The following TMEM108 variants were observed in gnomAD, a reference collection of about 807,000 sequenced individuals.
TMEM108 encodes transmembrane protein 108, also known as cancer/testis antigen 124.
In TMEM108, 12 loss-of-function variants were observed where a neutral mutation model predicts 35.1. That is an observed-to-expected ratio of 0.34 (90% CI 0.22 to 0.55). The LOEUF (loss-of-function observed/expected upper bound fraction) is 0.55, where lower values mean the gene tolerates loss of function less well. Ranked by LOEUF, TMEM108 falls within the 20% of genes least tolerant of loss-of-function variation. The pLI is 0.89. For synonymous variants in TMEM108, 287 were observed against 308.6 expected (o/e 0.93, Z 0.73); for missense variants, 680 against 753.3 (o/e 0.90, Z 1.14).
At chr3:133,171,028 A>G (rs1945122881) in intron 2 of TMEM108, among the ~76,000 whole-genome samples, 1 of 152,052 alleles carries the variant, frequency 6.6e-6, no homozygotes, top group Non-Finnish European at 1.5e-5. Flanking sequence ...ATGAGTAGAT[A>G]TTTTTTCATT....
intron 2 of TMEM108, among the ~76,000 whole-genome samples, chr3:133,086,125 G>C (rs779112743): frequency 2.0e-5 from 3 of 152,152 alleles, no homozygotes; most frequent in Non-Finnish European, 2.9e-5. Flanking sequence ...TGGTGAAAGG[G>C]ATGGCATCCC....
chr3:133,199,385 T>C (rs1945626726), intron 2 of TMEM108, among the ~76,000 whole-genome samples: 1 of 152,204 alleles, frequency 6.6e-6, no homozygotes, highest in Non-Finnish European at 1.5e-5. Context: ...ATTTTCAGCT[T>C]TTCTACTCTG....
chr3:133,367,657 A>G (rs1018955374), intron 3 of TMEM108, among the ~76,000 whole-genome samples: 4 of 152,220 alleles, frequency 2.6e-5, no homozygotes, highest in African/African-American at 7.2e-5. Context: ...GAGAATACCA[A>G]GCAGCTTTGC....
chr3:133,240,756 C>T (rs2107660344), intron 3 of TMEM108, among the ~76,000 whole-genome samples: 1 of 152,232 alleles, frequency 6.6e-6, no homozygotes, highest in Admixed American at 6.5e-5. Flanking sequence ...GCACAGGTGA[C>T]CAGTATATTG....
At chr3:133,104,657 G>T (rs1431044241) in intron 2 of TMEM108, among the ~76,000 whole-genome samples, 1 of 152,050 alleles carries the variant, frequency 6.6e-6, no homozygotes, top group Non-Finnish European at 1.5e-5. Context: ...CTGCCTCCTG[G>T]GATCCATCAG....
chr3:133,125,521 A>G (rs1253215086), intron 2 of TMEM108, among the ~76,000 whole-genome samples: 2 of 152,178 alleles, frequency 1.3e-5, no homozygotes, highest in Non-Finnish European at 2.9e-5. Context: ...TTATCTCAGC[A>G]TGGATGCTGT....
intron 2 of TMEM108, among the ~76,000 whole-genome samples, chr3:133,171,668 CT>C (rs1339667182): frequency 4.6e-5 from 7 of 152,152 alleles, no homozygotes; most frequent in African/African-American, 1.7e-4. Flanking sequence ...TTACTCGCAT[CT>C]TTTATTAGAG....
chr3:133,394,758 G>A (rs903424832), intron 5 of TMEM108, among the ~76,000 whole-genome samples: 1 of 152,196 alleles, frequency 6.6e-6, no homozygotes, highest in Non-Finnish European at 1.5e-5. Context: ...GGAAATTCTT[G>A]TCTTCTGAAA....
At chr3:133,186,413 C>G (rs1945422012) in intron 2 of TMEM108, among the ~76,000 whole-genome samples, 1 of 152,198 alleles carries the variant, frequency 6.6e-6, no homozygotes, top group South Asian at 2.1e-4. Flanking sequence ...TTATTCCTTA[C>G]TGTCCTATCT....
Position 133,115,919 on chromosome 3 carries a change from T to C in TMEM108, c.-47+69899T>C, listed in dbSNP as rs149792453. Among the ~76,000 whole-genome samples the C allele has an allele frequency of 4.3e-3, 662 of 152,334 alleles. 3 individuals carry two copies. Among genetic ancestry groups the C allele is most frequent in the African/African-American group, 0.015 (622 of 41,576 alleles). On this transcript the variant is annotated intron_variant, in intron 2 of 5. Coordinates refer to ENST00000321871, the MANE Select transcript of TMEM108 (RefSeq NM_023943.4). ...CCATCTGTTCTCATGTGTGAGTTTT[T>C]CTTGTTGCCTGTCTTATTCAACTGA...
At chr3:133,096,205 C>T (rs1217020749) in intron 2 of TMEM108, among the ~76,000 whole-genome samples, 1 of 152,176 alleles carries the variant, frequency 6.6e-6, no homozygotes, top group Non-Finnish European at 1.5e-5. Context: ...GTCACTCAGG[C>T]TGGAGTGCAG....
intron 2 of TMEM108, among the ~76,000 whole-genome samples, chr3:133,080,818 AT>A (rs1468070846): frequency 6.6e-6 from 1 of 151,968 alleles, no homozygotes; most frequent in African/African-American, 2.4e-5. Context: ...TATTTTCTCC[AT>A]TTTTTTTAAA....
At chr3:133,331,850 C>A (rs1421400268) in intron 3 of TMEM108, among the ~76,000 whole-genome samples, 1 of 152,154 alleles carries the variant, frequency 6.6e-6, no homozygotes, top group Non-Finnish European at 1.5e-5. Context: ...CAGCTTATGT[C>A]AAAAATATGT....
At chr3:133,386,326 TGCTCAAACA>T in intron 4 of TMEM108, 2 of 1,408,794 alleles carry the variant, frequency 1.4e-6, no homozygotes, top group South Asian at 2.5e-5. Context: ...TTGCAATGCC[TGCTCAAACA>T]GGCCCGGGAA....
intron 2 of TMEM108, among the ~76,000 whole-genome samples, chr3:133,124,612 CCT>C (rs1290534253): frequency 6.6e-6 from 1 of 152,110 alleles, no homozygotes; most frequent in Non-Finnish European, 1.5e-5. Context: ...CCAGCCAGCC[CCT>C]GAGTGTGTTT....
intron 3 of TMEM108, among the ~76,000 whole-genome samples, chr3:133,341,255 T>C (rs1227731605): frequency 7.2e-5 from 11 of 151,854 alleles, no homozygotes; most frequent in Admixed American, 7.2e-4. Flanking sequence ...CATTTCTGTA[T>C]GCCAGCAGTG....
intron 4 of TMEM108, chr3:133,389,220 A>G (rs2107857851): frequency 1.0e-6 from 1 of 985,588 alleles, no homozygotes; most frequent in Non-Finnish European, 1.2e-6. Context: ...CACATGGTTA[A>G]TCAACAATAT....
At chr3:133,394,518 ACTCT>A (rs549935415) in intron 5 of TMEM108, among the ~76,000 whole-genome samples, 52 of 151,120 alleles carry the variant, frequency 3.4e-4, no homozygotes, top group African/African-American at 1.1e-3. Flanking sequence ...TTCCTGAATA[ACTCT>A]CTCTTTAATG....
chr3:133,375,744 G>A (rs927848644), intron 3 of TMEM108, among the ~76,000 whole-genome samples: 1 of 152,212 alleles, frequency 6.6e-6, no homozygotes, highest in Non-Finnish European at 1.5e-5. Context: ...CAACATTGTA[G>A]GGATTTTTAT....
Sources: allele counts gnomAD v4.1 joint callset (sites outside exome capture counted in the v4.1 genomes callset), GRCh38; gene constraint gnomAD v4.1.1; transcripts MANE v1.5; gene names NCBI Gene and HGNC (gene_info 2026-07-23, HGNC 2026-07-21).